Variants in NUCKS1 observed in about 807,000 individuals in gnomAD.
NUCKS1 encodes nuclear ubiquitous casein and cyclin-dependent kinase substrate 1.
In NUCKS1, 2 loss-of-function variants were observed where a neutral mutation model predicts 33.0. That is an observed-to-expected ratio of 0.06 (90% CI 0.02 to 0.19). The LOEUF is 0.19. Among genes scored for constraint, NUCKS1 ranks in the 10% least tolerant of loss-of-function variants. The pLI is 1.00. For synonymous variants in NUCKS1, 106 were observed against 102.8 expected (o/e 1.03, Z -0.19); for missense variants, 201 against 293.6 (o/e 0.68, Z 2.31).
chr1:205,719,870 T>C (rs912600959), intron 5 of NUCKS1, 194 bp from the exon 6 acceptor site: 2 of 534,240 alleles, frequency 3.7e-6, no homozygotes, highest in South Asian at 6.8e-5. Flanking sequence ...TGCATGCACC[T>C]TACATGAGAG....
At chr1:205,736,826 T>C (rs1654046038) in intron 1 of NUCKS1, among the ~76,000 whole-genome samples, 1 of 149,460 alleles carries the variant, frequency 6.7e-6, no homozygotes, top group African/African-American at 2.5e-5. Context: ...GCAAAACTCC[T>C]TCTAAAAAAA....
chr1:205,749,127 G>C (rs1302789452), intron 1 of NUCKS1, among the ~76,000 whole-genome samples: 5 of 152,226 alleles, frequency 3.3e-5, no homozygotes, highest in Non-Finnish European at 7.3e-5. Flanking sequence ...GCGTACGCGG[G>C]TGAGAGTGGA....
intron 1 of NUCKS1, among the ~76,000 whole-genome samples, chr1:205,745,488 CAA>C (rs55737937): frequency 1.4e-5 from 2 of 143,630 alleles, no homozygotes; most frequent in Admixed American, 6.9e-5. Flanking sequence ...ATCCTGTCTC[CAA>C]AAAAAAAAAG....
intron 1 of NUCKS1, among the ~76,000 whole-genome samples, chr1:205,736,778 C>T (rs1654045024): frequency 6.6e-6 from 1 of 151,608 alleles, no homozygotes; most frequent in Non-Finnish European, 1.5e-5. Flanking sequence ...TTGCAGTGAG[C>T]CGAGATCACG....
intron 1 of NUCKS1, among the ~76,000 whole-genome samples, chr1:205,746,090 G>A (rs1654315287): frequency 1.3e-5 from 2 of 152,236 alleles, no homozygotes; most frequent in South Asian, 2.1e-4. Context: ...GAGGTCAAGA[G>A]TTCGAGACCA....
At chr1:205,727,660 G>GT (rs1558051480) in intron 3 of NUCKS1, 40 bp downstream of exon 3, 1 of 1,312,448 alleles carries the variant, frequency 7.6e-7, no homozygotes, top group South Asian at 1.2e-5. Context: ...TCTCAGAGTG[G>GT]TAACAGTGTA....
At position 205,749,704 on chromosome 1, in the gene NUCKS1, G is replaced by A. The variant is rs574233401; in HGVS notation, c.17+253C>T. On this transcript the variant is annotated intron_variant, in intron 1 of 6. Transcript: ENST00000367142. ...CACCCCGCCCGCTCTAGTGCGGTGG[G>A]TGGGGGAGGCAGCTGAGCAGACCGG... Among the ~76,000 whole-genome samples, 99 of 151,948 alleles carry A rather than the reference G, an allele frequency of 6.5e-4. 4 individuals carry two copies. In the South Asian group the frequency reaches 0.018, roughly 28 times the overall value.
rs1671776608 is a variant in NUCKS1, at chr1:205,713,463, G to A, written c.*4817C>T. ...ACCCTTCAATAAAAGCAAAGCAGGAGTTTGTTTTTTCTTTGTCTATGCAGA... is the reference window on the plus strand; with the variant it reads ...ACCCTTCAATAAAAGCAAAGCAGGAATTTGTTTTTTCTTTGTCTATGCAGA... On this transcript the variant is annotated 3_prime_UTR_variant, in exon 7 of 7. Transcript: ENST00000367142. 2 of 152,104 alleles carry A rather than the reference G, an allele frequency of 1.3e-5. No individual in the cohort carries two copies. The highest frequency in any genetic ancestry group is 4.8e-5 in the African/African-American group (2 of 41,410). 9.4% of individuals were successfully genotyped at this position (152,104 alleles called of 1,614,324 possible). A position where few individuals can be genotyped will look rare whatever the true frequency, so the allele number is the denominator to read the frequency against.
intron 1 of NUCKS1, among the ~76,000 whole-genome samples, chr1:205,741,161 G>A (rs1292070318): frequency 1.3e-5 from 2 of 149,244 alleles, no homozygotes; most frequent in African/African-American, 2.4e-5. Context: ...TTAGCCGGGC[G>A]TGGTGGCGGG....
At position 205,713,252 on chromosome 1, in the gene NUCKS1, A is replaced by G. The variant is rs936753433; in HGVS notation, c.*5028T>C. On this transcript the variant is annotated 3_prime_UTR_variant, in exon 7 of 7. Transcript: ENST00000367142. ...AAACAAAACAAAAAAAAAGTTTACAAAAGAAAAAAAGATACAGAAAAAGAA... is the reference window on the plus strand; with the variant it reads ...AAACAAAACAAAAAAAAAGTTTACAGAAGAAAAAAAGATACAGAAAAAGAA... 2.0e-4 allele frequency: 30 copies of G among 152,282 alleles called. No individual in the cohort carries two copies. The highest frequency in any genetic ancestry group is 1.0e-3 in the Admixed American group (16 of 15,302). 9.4% of individuals were successfully genotyped at this position (152,282 alleles called of 1,614,324 possible).
At chr1:205,719,408 T>A in intron 6 of NUCKS1, 119 bp downstream of exon 6, 1 of 1,003,314 alleles carries the variant, frequency 1.0e-6, no homozygotes. Flanking sequence ...TTTAGATTTC[T>A]TGTATTCCTG....
At chr1:205,734,631 C>T (rs776333528) in intron 1 of NUCKS1, among the ~76,000 whole-genome samples, 3 of 152,150 alleles carry the variant, frequency 2.0e-5, no homozygotes, top group East Asian at 1.9e-4. Context: ...TGGTGGCTCA[C>T]GCCTGTAATC....
Position 205,720,538 on chromosome 1 carries a change from T to C in NUCKS1, c.345A>G (p.Glu115=), listed in dbSNP as rs2102430391. The change falls in exon 5 of 7, where the codon GAA becomes GAG. Residue 115 remains glutamate, a synonymous_variant. Coordinates refer to ENST00000367142, the MANE Select transcript of NUCKS1 (RefSeq NM_022731.5). ...GTGCCTCATCCTCCTCTTCTTGTTC[T>C]TCCTCACTGCCCACATCTTCCATGA... ...EMLMEDVGSE[E]EQEEEDEAPF... 1.9e-6 allele frequency: 3 copies of C among 1,614,164 alleles called. No homozygotes were observed. The highest frequency in any genetic ancestry group is 1.3e-5 in the African/African-American group (1 of 75,056).
rs1228112992 is a variant in NUCKS1 at position 205,714,138 on chromosome 1, C to T, written c.*4142G>A. ...ATTCACTAAGTTCCAGAAGACAAAG[C>T]TTTAATTGCCAGATGTATACAAACA... On this transcript the variant is annotated 3_prime_UTR_variant, in exon 7 of 7. Coordinates refer to ENST00000367142, the MANE Select transcript of NUCKS1 (RefSeq NM_022731.5). 2 of 152,224 alleles carry T rather than the reference C, an allele frequency of 1.3e-5. No homozygotes were observed. Among genetic ancestry groups the T allele is most frequent in the East Asian group, 3.9e-4 (2 of 5,188 alleles). 9.4% of individuals were successfully genotyped at this position (152,224 alleles called of 1,614,324 possible). A position where few individuals can be genotyped will look rare whatever the true frequency, so the allele number is the denominator to read the frequency against.
At chr1:205,744,630 G>GTTTTTTTTTTTTTTTTTTTT (rs10672842) in intron 1 of NUCKS1, among the ~76,000 whole-genome samples, 1 of 87,786 alleles carries the variant, frequency 1.1e-5, no homozygotes, top group Non-Finnish European at 2.0e-5. Flanking sequence ...GTTCACTAGA[G>GTTTTTTTTTTTTTTTTTTTT]TTTTTTTTTT....
intron 1 of NUCKS1, among the ~76,000 whole-genome samples, chr1:205,738,830 C>G (rs900043755): frequency 4.6e-5 from 7 of 152,120 alleles, no homozygotes; most frequent in African/African-American, 1.7e-4. Context: ...ATAGCTTGAG[C>G]CTGGGAGGCG....
chr1:205,730,838 T>C (rs1653892560), intron 1 of NUCKS1, among the ~76,000 whole-genome samples: 1 of 152,108 alleles, frequency 6.6e-6, no homozygotes. Flanking sequence ...CAAATATACA[T>C]AAAACAGCAA....
intron 4 of NUCKS1, among the ~76,000 whole-genome samples, chr1:205,723,082 T>A (rs889274462): frequency 6.6e-6 from 1 of 152,212 alleles, no homozygotes; most frequent in Non-Finnish European, 1.5e-5. Context: ...GATCACCAGA[T>A]AGTGCAAAAG....
At chr1:205,737,204 C>G (rs1244489902) in intron 1 of NUCKS1, among the ~76,000 whole-genome samples, 5 of 152,208 alleles carry the variant, frequency 3.3e-5, no homozygotes, top group African/African-American at 1.2e-4. Flanking sequence ...TCCTATTCTA[C>G]TCTATACTTC....
Sources: allele counts gnomAD v4.1 joint callset (sites outside exome capture counted in the v4.1 genomes callset), GRCh38; gene constraint gnomAD v4.1.1; transcripts MANE v1.5; gene names NCBI Gene and HGNC (gene_info 2026-07-23, HGNC 2026-07-21).